The following CCDC30 variants were observed in gnomAD, a reference collection of about 807,000 sequenced individuals.
CCDC30 encodes the protein coiled-coil domain-containing protein 30.
In CCDC30, 70 loss-of-function variants were observed where a neutral mutation model predicts 100.2. The ratio of observed to expected loss-of-function variants is 0.70; its 90% CI spans 0.58 to 0.85. The LOEUF (loss-of-function observed/expected upper bound fraction) is 0.85. Ranked by LOEUF, CCDC30 falls within the 40% of genes least tolerant of loss-of-function variation. The pLI, the probability that CCDC30 is intolerant of heterozygous loss-of-function variation, is 0.00. For synonymous variants in CCDC30, 233 were observed against 269.5 expected (o/e 0.86, Z 1.33); for missense variants, 652 against 771.2 (o/e 0.85, Z 1.83).
At chr1:42,566,753 C>G (rs532605134) in intron 7 of CCDC30, among the ~76,000 whole-genome samples, 4 of 152,258 alleles carry the variant, frequency 2.6e-5, no homozygotes, top group African/African-American at 9.6e-5. Context: ...GCCCTAAACC[C>G]TGGTTGTCCT....
intron 6 of CCDC30, among the ~76,000 whole-genome samples, chr1:42,502,208 G>A (rs1644325297): frequency 6.6e-6 from 1 of 152,152 alleles, no homozygotes; most frequent in African/African-American, 2.4e-5. Context: ...ATCTCAGACT[G>A]CTGTGCTAGC....
chr1:42,509,827 C>A (rs1644449313), intron 6 of CCDC30, among the ~76,000 whole-genome samples: 2 of 152,052 alleles, frequency 1.3e-5, no homozygotes, highest in African/African-American at 4.8e-5. Flanking sequence ...TCTTATTATT[C>A]ATTTTACCAG....
intron 6 of CCDC30, among the ~76,000 whole-genome samples, chr1:42,531,616 G>C (rs974407377): frequency 6.6e-6 from 1 of 152,056 alleles, no homozygotes; most frequent in Non-Finnish European, 1.5e-5. Flanking sequence ...ACAAAAATTA[G>C]CTAGGCGTGG....
chr1:42,631,566 C>T (rs555337992), intron 11 of CCDC30, among the ~76,000 whole-genome samples: 3 of 152,188 alleles, frequency 2.0e-5, no homozygotes, highest in Admixed American at 6.5e-5. Context: ...TTCAGGGCAG[C>T]GAGCTCCCCC....
intron 1 of CCDC30, among the ~76,000 whole-genome samples, chr1:42,465,085 A>G (rs990857409): frequency 6.6e-6 from 1 of 152,212 alleles, no homozygotes; most frequent in African/African-American, 2.4e-5. Context: ...TATTTATTGA[A>G]TAGCAAGGCA....
chr1:42,627,889 C>T (rs1819234), intron 11 of CCDC30, among the ~76,000 whole-genome samples: 60,363 of 152,034 alleles, frequency 0.4, 12,147 homozygotes, highest in South Asian at 0.47. Context: ...GGAAGGGAAA[C>T]ATGGGGTTGG....
chr1:42,550,779 C>G (rs1026013859), intron 6 of CCDC30, among the ~76,000 whole-genome samples: 14 of 152,132 alleles, frequency 9.2e-5, no homozygotes, highest in Non-Finnish European at 1.5e-4. Context: ...GGGCACAGAC[C>G]TGGCTGTGTT....
chr1:42,581,914 T>C (rs1330267270), intron 9 of CCDC30, among the ~76,000 whole-genome samples: 2 of 151,966 alleles, frequency 1.3e-5, no homozygotes, highest in Non-Finnish European at 2.9e-5. Context: ...AAAAATTGAA[T>C]TGAAAGATAA....
intron 8 of CCDC30, chr1:42,580,914 G>C (rs912907935): frequency 1.3e-5 from 6 of 454,512 alleles, no homozygotes; most frequent in Admixed American, 4.7e-5. Flanking sequence ...TCTAATACCT[G>C]TGGAGGCAGT....
intron 6 of CCDC30, among the ~76,000 whole-genome samples, chr1:42,540,650 T>TAC (rs201629692): frequency 0.23 from 34,170 of 148,122 alleles, 3,999 homozygotes; most frequent in South Asian, 0.43. Context: ...TCTTTCCCTC[T>TAC]ACACACACAC....
At chr1:42,568,960 A>G (rs1162010326) in intron 7 of CCDC30, 2 of 149,694 alleles carry the variant, frequency 1.3e-5, no homozygotes, top group Non-Finnish European at 3.0e-5. Flanking sequence ...AAAAAAAAAA[A>G]TCCATTCAAA....
At chr1:42,611,560 A>G (rs1426277380) in intron 11 of CCDC30, among the ~76,000 whole-genome samples, 1 of 152,126 alleles carries the variant, frequency 6.6e-6, no homozygotes, top group Non-Finnish European at 1.5e-5. Context: ...TTCTATACAT[A>G]CATACATACA....
chr1:42,507,967 A>C (rs529547897), intron 6 of CCDC30, among the ~76,000 whole-genome samples: 14 of 152,320 alleles, frequency 9.2e-5, no homozygotes, highest in African/African-American at 3.4e-4. Flanking sequence ...TTTCCTTTAA[A>C]ATATTTAAGC....
intron 1 of CCDC30, among the ~76,000 whole-genome samples, chr1:42,465,601 G>A (rs964026556): frequency 1.3e-5 from 2 of 152,112 alleles, no homozygotes; most frequent in African/African-American, 4.8e-5. Flanking sequence ...CTGACCCCAG[G>A]TGATCCGCCC....
At chr1:42,584,550 G>A (rs1440723290) in intron 9 of CCDC30, among the ~76,000 whole-genome samples, 1 of 152,016 alleles carries the variant, frequency 6.6e-6, no homozygotes, top group Non-Finnish European at 1.5e-5. Context: ...CCAAGATGGC[G>A]CCACTGCACT....
chr1:42,582,289 AT>A (rs1260926165), intron 9 of CCDC30, among the ~76,000 whole-genome samples: 4 of 152,198 alleles, frequency 2.6e-5, no homozygotes, highest in Non-Finnish European at 5.9e-5. Flanking sequence ...TTTGTAAGTG[AT>A]GAAGCACACC....
chr1:42,605,982 A>C (rs1646494342), intron 10 of CCDC30, among the ~76,000 whole-genome samples: 1 of 152,218 alleles, frequency 6.6e-6, no homozygotes, highest in Non-Finnish European at 1.5e-5. Flanking sequence ...AAAAACTTGC[A>C]GATGAGCCAC....
At chr1:42,620,618 C>T (rs965846189) in intron 11 of CCDC30, among the ~76,000 whole-genome samples, 3 of 150,928 alleles carry the variant, frequency 2.0e-5, no homozygotes, top group Non-Finnish European at 4.4e-5. Context: ...TCTCAGGAAT[C>T]TCCAAGACTC....
intron 6 of CCDC30, among the ~76,000 whole-genome samples, chr1:42,544,563 G>A (rs1466774352): frequency 6.6e-6 from 1 of 152,138 alleles, no homozygotes; most frequent in East Asian, 1.9e-4. Flanking sequence ...CATATAGGCT[G>A]GAGTGCGGTG....
Sources: gnomAD v4.1 joint callset for allele counts (sites outside exome capture counted in the v4.1 genomes callset) on GRCh38, gnomAD v4.1.1 for gene constraint, MANE v1.5 for transcripts, NCBI Gene and HGNC (gene_info 2026-07-23, HGNC 2026-07-21) for gene names.